Variants in CCDC66 observed in about 807,000 individuals in gnomAD.
The protein encoded by CCDC66 is coiled-coil domain-containing protein 66.
CCDC66 carries 133 observed loss-of-function variants against 128.3 expected under a neutral mutation model. The observed-to-expected ratio is 1.04, with a 90% CI of 0.90 to 1.20. The LOEUF is 1.20. CCDC66 is among the 50% of genes most tolerant of loss of function. The probability of loss-of-function intolerance (pLI) is 0.00; values close to 1 mark genes in which losing one functional copy is unlikely to be tolerated. For synonymous variants in CCDC66, 387 were observed against 357.0 expected (o/e 1.08, Z -0.95); for missense variants, 1,126 against 1,075.5 (o/e 1.05, Z -0.66).
intron 15 of CCDC66, 43 bp from the exon 16 acceptor site, chr3:56,619,222 ATATACT>A: frequency 7.3e-7 from 1 of 1,365,242 alleles, no homozygotes; most frequent in Non-Finnish European, 1.0e-6. Flanking sequence ...GATTAAAGAG[ATATACT>A]TAATCTAAAT....
At chr3:56,591,760 T>A (rs1219426911) in intron 7 of CCDC66, among the ~76,000 whole-genome samples, 1 of 152,224 alleles carries the variant, frequency 6.6e-6, no homozygotes, top group Non-Finnish European at 1.5e-5. Context: ...GATAGAAGGA[T>A]CTTTACTTTT....
At chr3:56,602,322 A>G (rs983577478) in intron 10 of CCDC66, among the ~76,000 whole-genome samples, 1 of 152,102 alleles carries the variant, frequency 6.6e-6, no homozygotes, top group East Asian at 1.9e-4. Flanking sequence ...TATGAAGCCA[A>G]CTTGATCGTG....
At chr3:56,573,813 C>T (rs1210494056) in intron 7 of CCDC66, among the ~76,000 whole-genome samples, 1 of 132,346 alleles carries the variant, frequency 7.6e-6, no homozygotes, top group Non-Finnish European at 1.6e-5. Flanking sequence ...ACTCAGTTTT[C>T]AAGGCACTTT....
intron 10 of CCDC66, among the ~76,000 whole-genome samples, chr3:56,602,034 C>T (rs974687064): frequency 6.6e-6 from 1 of 152,048 alleles, no homozygotes; most frequent in African/African-American, 2.4e-5. Context: ...GAGAGGGCAT[C>T]CTTGCCTTTT....
intron 7 of CCDC66, among the ~76,000 whole-genome samples, chr3:56,579,499 A>T (rs1170229851): frequency 6.6e-6 from 1 of 151,314 alleles, no homozygotes. Context: ...TAATTGTGAT[A>T]TTAGGGTGTC....
chr3:56,609,730 T>C (rs2074541270), intron 10 of CCDC66, among the ~76,000 whole-genome samples: 1 of 152,216 alleles, frequency 6.6e-6, no homozygotes. Context: ...TTTGATGTGT[T>C]TCCAGGATTT....
In CCDC66 at chr3:56,594,029, G is replaced by C. The variant is rs990371858; in HGVS notation, c.1404+1G>C. ...ACGACAAAAACAATTAGAGCATCAG[G>C]TATTGCATTGTTAAACATTGTTCTT... On this transcript the variant is annotated splice_donor_variant, in intron 10 of 17. Transcript: ENST00000394672. LOFTEE classifies it high-confidence loss of function. 20 of 1,611,342 alleles carry C rather than the reference G, an allele frequency of 1.2e-5. 1 individual carries two copies. Among genetic ancestry groups the C allele is most frequent in the African/African-American group, 2.7e-5 (2 of 74,890 alleles).
intron 13 of CCDC66, chr3:56,616,805 C>A: frequency 7.9e-6 from 2 of 252,330 alleles, no homozygotes; most frequent in South Asian, 1.0e-4. Flanking sequence ...CTTGCCAGCC[C>A]TTGTTATTCT....
At chr3:56,565,681 G>A (rs1428250701) in intron 4 of CCDC66, among the ~76,000 whole-genome samples, 1 of 149,086 alleles carries the variant, frequency 6.7e-6, no homozygotes, top group Admixed American at 6.7e-5. Context: ...TCGCTGCGTC[G>A]CCCAGGCTGG....
chr3:56,619,975 T>C, intron 17 of CCDC66, 74 bp downstream of exon 17: 2 of 790,452 alleles, frequency 2.5e-6, no homozygotes, highest in Non-Finnish European at 3.3e-6. Flanking sequence ...TGTTGAACGG[T>C]TTGTTTTAAG....
chr3:56,611,257 G>A (rs1027101704), intron 10 of CCDC66, among the ~76,000 whole-genome samples: 31 of 152,060 alleles, frequency 2.0e-4, no homozygotes, highest in Admixed American at 2.0e-3. Flanking sequence ...CTGCTGTGGG[G>A]GACGGGGATG....
At position 56,619,538 on chromosome 3, in the gene CCDC66, A is replaced by G; in HGVS notation, c.2635+11A>G. The G allele has an allele frequency of 1.3e-6, 2 of 1,592,610 alleles. No homozygotes were observed. Among genetic ancestry groups the G allele is most frequent in the Non-Finnish European group, 1.7e-6 (2 of 1,171,646 alleles). ...ACCAAAATTCACAAGGTAAGTAAAT[A>G]TTAAGCATTCTAACTGTAAAAATTG... is the stretch of plus-strand genomic sequence containing the variant. On this transcript the variant is annotated intron_variant, in intron 16 of 17. Transcript: ENST00000394672.
intron 7 of CCDC66, among the ~76,000 whole-genome samples, chr3:56,579,469 T>C (rs1277385233): frequency 1.3e-5 from 2 of 151,854 alleles, no homozygotes; most frequent in Non-Finnish European, 2.9e-5. Context: ...ATGTGTTTGC[T>C]CTTGCTTCTC....
intron 10 of CCDC66, among the ~76,000 whole-genome samples, chr3:56,594,451 C>A (rs2071501596): frequency 6.6e-6 from 1 of 152,014 alleles, no homozygotes; most frequent in Non-Finnish European, 1.5e-5. Context: ...CTTTGGGAGG[C>A]TGAGTGGGCA....
chr3:56,617,714 G>C, intron 14 of CCDC66, 109 bp downstream of exon 14: 1 of 1,371,006 alleles, frequency 7.3e-7, no homozygotes. Flanking sequence ...GTTTACATTA[G>C]GGATCAGCAA....
intron 15 of CCDC66, chr3:56,618,462 A>C: frequency 2.5e-6 from 1 of 407,884 alleles, no homozygotes; most frequent in South Asian, 6.8e-5. Flanking sequence ...TAACTAAGTG[A>C]TTTTGATATT....
chr3:56,591,871 A>G (rs1171142720), intron 7 of CCDC66, among the ~76,000 whole-genome samples: 1 of 152,210 alleles, frequency 6.6e-6, no homozygotes, highest in Non-Finnish European at 1.5e-5. Context: ...TGTGAGGTAT[A>G]TCGTCATTGT....
chr3:56,580,842 A>T (rs1389362752), intron 7 of CCDC66, among the ~76,000 whole-genome samples: 2 of 151,470 alleles, frequency 1.3e-5, no homozygotes, highest in Middle Eastern at 3.4e-3. Context: ...TGCCCTTAAC[A>T]TTTTTTCCTT....
rs2075146405 is a variant in CCDC66, at chr3:56,613,730, C to G, written c.1546C>G (p.Leu516Val). ...GCAGAAACAGTATGAAGAAGACATA[C>G]TTAAGCAAAAACAAAAGGAAGTAGG... ...EMQKQYEEDI[L>V]KQKQKEEIMT... The change falls in exon 11 of 18, where the codon CTT becomes GTT. Residue 516 changes from leucine (L) to valine (V), a missense_variant. Coordinates refer to ENST00000394672, the MANE Select transcript of CCDC66 (RefSeq NM_001141947.3). 6.2e-7 allele frequency: 1 copy of G among 1,606,666 alleles called. No individual in the cohort carries two copies. Among genetic ancestry groups the G allele is most frequent in the African/African-American group, 1.3e-5 (1 of 74,374 alleles).
Sources: allele counts gnomAD v4.1 joint callset (sites outside exome capture counted in the v4.1 genomes callset), GRCh38; gene constraint gnomAD v4.1.1; transcripts MANE v1.5; gene names NCBI Gene and HGNC (gene_info 2026-07-23, HGNC 2026-07-21).